The following CSMD1 variants were observed in gnomAD, a reference collection of about 807,000 sequenced individuals.
CSMD1 encodes CUB and Sushi multiple domains 1, also known as CUB and sushi domain-containing protein 1.
Under a neutral mutation model 417.5 loss-of-function variants are expected in CSMD1, and 213 were observed. The observed-to-expected ratio is 0.51, with a 90% CI of 0.46 to 0.57. The LOEUF (loss-of-function observed/expected upper bound fraction) is 0.57. Among genes scored for constraint, CSMD1 ranks in the 20% least tolerant of loss-of-function variants. The pLI is 0.00. For missense variants in CSMD1, 6,923 were observed against 4,529.7 expected (o/e 1.53, Z -15.17); for synonymous variants, 2,862 against 1,736.8 (o/e 1.65, Z -16.11).
intron 3 of CSMD1, among the ~76,000 whole-genome samples, chr8:4,418,109 C>T (rs1446184133): frequency 2.0e-5 from 3 of 151,704 alleles, no homozygotes; most frequent in Non-Finnish European, 2.9e-5. Flanking sequence ...TTGGTTTAGC[C>T]AACAAAGCAC....
chr8:3,815,121 G>T lies in CSMD1; in HGVS notation c.819-61079C>A, dbSNP rs150596849. ...TTTTTTCAGAAAATAATTAGACATGGGATATTTTGCTTAGTATTTCTCCCA... is the reference window on the plus strand; with the variant it reads ...TTTTTTCAGAAAATAATTAGACATGTGATATTTTGCTTAGTATTTCTCCCA... On this transcript the variant is annotated intron_variant, in intron 5 of 69. Transcript: ENST00000635120. 4.6e-5 allele frequency among the ~76,000 whole-genome samples: 7 copies of T among 152,180 alleles called. No individual in the cohort carries two copies. The South Asian group carries it at 1.5e-3, about 32-fold the overall frequency.
rs1228768313 is a variant in CSMD1, at chr8:3,406,102, G to C, written c.2191C>G (p.Gln731Glu). 1 of 1,613,904 alleles carries C rather than the reference G, an allele frequency of 6.2e-7. No homozygotes were observed. Among genetic ancestry groups the C allele is most frequent in the Non-Finnish European group, 8.5e-7 (1 of 1,179,870 alleles). ...FHCDDGFVKT[Q>E]GSESITCILQ... ...ATGCAGGTAATGGACTCGGATCCCTGGGTCTTGACAAAGCCATCATCACAG... is the reference window on the plus strand; with the variant it reads ...ATGCAGGTAATGGACTCGGATCCCTCGGTCTTGACAAAGCCATCATCACAG... The change falls in exon 15 of 70, where the codon CAG becomes GAG. Residue 731 changes from glutamine (Q) to glutamate (E), a missense_variant. Transcript: ENST00000635120.
In CSMD1 at chr8:4,978,550, A is replaced by G. The variant is rs564557363; in HGVS notation, c.85+15782T>C. Reference sequence around the variant, plus strand: ...ACTATATTGCCAAGTAAATAAATTAACTATGTTTTTCAAATGGCTTCACTG... The same window carrying G: ...ACTATATTGCCAAGTAAATAAATTAGCTATGTTTTTCAAATGGCTTCACTG... On this transcript the variant is annotated intron_variant, in intron 1 of 69. Coordinates refer to ENST00000635120, the MANE Select transcript of CSMD1 (RefSeq NM_033225.6). 2.0e-5 allele frequency among the ~76,000 whole-genome samples: 3 copies of G among 152,374 alleles called. No individual in the cohort carries two copies. The East Asian group carries it at 5.8e-4, about 29-fold the overall frequency.
chr8:4,711,815 T>A (rs1584981416), intron 1 of CSMD1, among the ~76,000 whole-genome samples: 1 of 152,252 alleles, frequency 6.6e-6, no homozygotes, highest in East Asian at 1.9e-4. Flanking sequence ...TTAAAAAAGG[T>A]CCCGAACCAA....
chr8:4,076,800 C>G (rs11785076), intron 3 of CSMD1, among the ~76,000 whole-genome samples: 18,347 of 152,136 alleles, frequency 0.12, 1,208 homozygotes, highest in Middle Eastern at 0.18. Context: ...AGAGTATACA[C>G]CATCACGCAA....
chr8:4,826,702 G>T (rs117656436), intron 1 of CSMD1, among the ~76,000 whole-genome samples: 3 of 152,018 alleles, frequency 2.0e-5, no homozygotes, highest in African/African-American at 7.2e-5. Context: ...CTTTCCCTGC[G>T]CTCTGCCTTT....
At chr8:4,774,869 G>T (rs996109714) in intron 1 of CSMD1, among the ~76,000 whole-genome samples, 5 of 152,000 alleles carry the variant, frequency 3.3e-5, no homozygotes, top group African/African-American at 1.2e-4. Flanking sequence ...TTTACCTTCC[G>T]CCATGACTGA....
chr8:4,225,755 TG>T (rs1801310773), intron 3 of CSMD1, among the ~76,000 whole-genome samples: 1 of 152,162 alleles, frequency 6.6e-6, no homozygotes, highest in Admixed American at 6.6e-5. Context: ...AAGGTTTCAA[TG>T]GGGCCAATCT....
In CSMD1 at chr8:3,359,140, G is replaced by A; in HGVS notation, c.3304+12C>T. 1 of 1,613,634 alleles carries A rather than the reference G, an allele frequency of 6.2e-7. No homozygotes were observed. The highest frequency in any genetic ancestry group is 8.5e-7 in the Non-Finnish European group (1 of 1,179,732). ...CCATGGATGAATGAAATGAAAGCGT[G>A]TGACCACCTACCCACACACCTTGGC... On this transcript the variant is annotated intron_variant, in intron 21 of 69. Transcript: ENST00000635120.
chr8:4,510,052 G>A (rs1340420023), intron 2 of CSMD1, among the ~76,000 whole-genome samples: 1 of 152,016 alleles, frequency 6.6e-6, no homozygotes. Flanking sequence ...TCAATCTTGG[G>A]GGTAGGTCTT....
chr8:3,481,898 C>T (rs1817769345), intron 11 of CSMD1, among the ~76,000 whole-genome samples: 1 of 152,106 alleles, frequency 6.6e-6, no homozygotes, highest in African/African-American at 2.4e-5. Flanking sequence ...ACTGAGAGTA[C>T]AAATTTCTGC....
chr8:4,297,530 C>A (rs1174363825), intron 3 of CSMD1, among the ~76,000 whole-genome samples: 1 of 152,144 alleles, frequency 6.6e-6, no homozygotes, highest in East Asian at 1.9e-4. Context: ...AGCTGTTAAA[C>A]CCCTCACATA....
chr8:3,875,055 A>G (rs1218498957), intron 5 of CSMD1, among the ~76,000 whole-genome samples: 2 of 152,142 alleles, frequency 1.3e-5, no homozygotes, highest in African/African-American at 4.8e-5. Context: ...GGCGGCTGAA[A>G]GAGCAGAAGA....
rs572552427 is a variant in CSMD1, at chr8:4,721,846, A to G, written c.86-84288T>C. On this transcript the variant is annotated intron_variant, in intron 1 of 69. Coordinates refer to ENST00000635120, the MANE Select transcript of CSMD1 (RefSeq NM_033225.6). ...CATGAGTGGAACATGATTCAGCTTT[A>G]CAAAAGGAGATACTGTCATTTGTGA... Among the ~76,000 whole-genome samples, 6 of 152,352 alleles carry G rather than the reference A, an allele frequency of 3.9e-5. No individual in the cohort carries two copies. In the East Asian group the frequency reaches 1.2e-3, roughly 29 times the overall value.
intron 5 of CSMD1, among the ~76,000 whole-genome samples, chr8:3,829,883 CATCT>C (rs1554452119): frequency 6.6e-6 from 1 of 152,104 alleles, no homozygotes; most frequent in Non-Finnish European, 1.5e-5. Context: ...GTTATGTGAA[CATCT>C]ATCTACATAG....
intron 12 of CSMD1, among the ~76,000 whole-genome samples, chr8:3,420,421 A>C (rs749203297): frequency 5.3e-5 from 8 of 150,194 alleles, no homozygotes; most frequent in South Asian, 2.2e-4. Flanking sequence ...AGAGGACACT[A>C]GGAAAAAAAA....
intron 1 of CSMD1, among the ~76,000 whole-genome samples, chr8:4,725,108 T>C (rs1044680246): frequency 6.6e-6 from 1 of 152,172 alleles, no homozygotes; most frequent in Admixed American, 6.5e-5. Flanking sequence ...ATTAAATGTA[T>C]CCTGAAAGGT....
chr8:3,175,614 G>C (rs991216391), intron 37 of CSMD1, among the ~76,000 whole-genome samples: 3 of 145,328 alleles, frequency 2.1e-5, no homozygotes, highest in Admixed American at 6.9e-5. Context: ...CCCTTCCTGA[G>C]GTTGCCTTTG....
At chr8:3,883,306 G>C (rs547791716) in intron 5 of CSMD1, among the ~76,000 whole-genome samples, 1 of 151,996 alleles carries the variant, frequency 6.6e-6, no homozygotes, top group Admixed American at 6.6e-5. Flanking sequence ...AGAACTGAAC[G>C]ACATAATATA....
Sources: allele counts gnomAD v4.1 joint callset (sites outside exome capture counted in the v4.1 genomes callset), GRCh38; gene constraint gnomAD v4.1.1; transcripts MANE v1.5; gene names NCBI Gene and HGNC (gene_info 2026-07-23, HGNC 2026-07-21).